DST: variants seen among roughly 807,000 people sequenced by gnomAD.
DST encodes the protein dystonin.
Under a neutral mutation model 875.2 loss-of-function variants are expected in DST, and 253 were observed. The observed-to-expected ratio is 0.29, with a 90% CI of 0.26 to 0.32. The LOEUF (loss-of-function observed/expected upper bound fraction) is 0.32. Ranked by LOEUF, DST falls within the 10% of genes least tolerant of loss-of-function variation. DST has a pLI of 1.00. For synonymous variants in DST, 3,124 were observed against 3,197.1 expected (o/e 0.98, Z 0.77); for missense variants, 8,287 against 9,111.6 (o/e 0.91, Z 3.68).
At chr6:56,561,648 T>C (rs1362925686) in intron 56 of DST, 99 bp from the exon 57 acceptor site, 4 of 1,191,920 alleles carry the variant, frequency 3.4e-6, no homozygotes, top group South Asian at 1.6e-5. Context: ...TTGTCACTTC[T>C]AGCTTGTCAT....
rs199545549 is a variant in DST, at chr6:56,634,520, G to A, written c.3436C>T (p.Pro1146Ser). ...GGAGGAACGGTGAAGCACACAGATG[G>A]GACCATAGCCTCATTCCCAGTAGGA... The part of the protein sequence containing the change: ...ISPTGNEAMV[P>S]SVCFTVPPPN... Residue 1146 changes from proline to serine, a missense_variant, in exon 26 of 104, where the codon CCA (proline) becomes TCA (serine). Around this residue, in one of 10 missense-constraint regions of DST, gnomAD observed 1,160 missense variants for 1,424.3 expected, o/e 0.81. Coordinates refer to ENST00000680361, the MANE Select transcript of DST (RefSeq NM_001374736.1). 3 of 1,614,128 alleles carry A rather than the reference G, an allele frequency of 1.9e-6. No homozygotes were observed. The highest frequency in any genetic ancestry group is 2.5e-6 in the Non-Finnish European group (3 of 1,180,020).
intron 2 of DST, among the ~76,000 whole-genome samples, chr6:56,938,108 C>CTCTCTCTCTATATATATATA (rs1383243392): frequency 6.6e-5 from 8 of 120,754 alleles, no homozygotes; most frequent in African/African-American, 2.8e-4. Context: ...CTCTCTCTCT[C>CTCTCTCTCTATATATATATA]TATATATATA....
At chr6:56,685,589 C>T (rs142369310) in intron 9 of DST, among the ~76,000 whole-genome samples, 4 of 151,974 alleles carry the variant, frequency 2.6e-5, no homozygotes, top group African/African-American at 4.8e-5. Flanking sequence ...CTGGCCAACA[C>T]GGTGAAACCT....
chr6:56,684,071 A>G (rs2099169285), intron 9 of DST, among the ~76,000 whole-genome samples: 1 of 152,196 alleles, frequency 6.6e-6, no homozygotes, highest in South Asian at 2.1e-4. Flanking sequence ...AGCCTCACCC[A>G]TGTTAGTCAG....
chr6:56,797,679 C>T (rs143810557), intron 4 of DST, among the ~76,000 whole-genome samples: 7 of 152,026 alleles, frequency 4.6e-5, no homozygotes, highest in East Asian at 1.9e-4. Flanking sequence ...ATTAGCTGGG[C>T]GTGGTGGCAG....
rs201201114 is a variant in DST at position 56,592,197 on chromosome 6, T to A, written c.12888A>T (p.Gln4296His). ...CGCTTTTTACCTTGGTCTCTTCTAATTGCCTTTGAAGATTTTTGGGGTCCA... is the reference window on the plus strand; with the variant it reads ...CGCTTTTTACCTTGGTCTCTTCTAAATGCCTTTGAAGATTTTTGGGGTCCA... The part of the protein sequence containing the change: ...IAVDPKNLQR[Q>H]LEETKALQGQ... Residue 4296 changes from glutamine (Q) to histidine (H), a missense_variant, in exon 49 of 104, where the codon CAA becomes CAT. By Grantham distance (24) the Gln-to-His change is conservative. Transcript: ENST00000680361. 11 of 1,613,396 alleles carry A rather than the reference T, an allele frequency of 6.8e-6. No individual in the cohort carries two copies. The highest frequency in any genetic ancestry group is 8.5e-6 in the Non-Finnish European group (10 of 1,179,724).
At chr6:56,734,609 ACTCC>A (rs1254177765) in intron 5 of DST, among the ~76,000 whole-genome samples, 1 of 152,014 alleles carries the variant, frequency 6.6e-6, no homozygotes, top group Non-Finnish European at 1.5e-5. Context: ...GGGTCCAATA[ACTCC>A]ACGAAATTAC....
rs964848254 is a variant in DST, at chr6:56,517,677, A to G, written c.18130-57T>C. 8 of 1,550,956 alleles carry G rather than the reference A, an allele frequency of 5.2e-6. No individual in the cohort carries two copies. The African/African-American group carries it at 1.1e-4, about 21-fold the overall frequency. On this transcript the variant is annotated intron_variant, in intron 69 of 103. Transcript: ENST00000680361. ...GTTCCCGTTCCTGATGCCAGAAAAT[A>G]CCTATCTACAGTTCTTTGAAATATC...
At chr6:56,582,753 A>T (rs1012083690) in intron 49 of DST, among the ~76,000 whole-genome samples, 3 of 148,128 alleles carry the variant, frequency 2.0e-5, no homozygotes, top group African/African-American at 7.5e-5. Flanking sequence ...CCCTACCCCC[A>T]CCCCACAACA....
intron 32 of DST, 144 bp downstream of exon 32, chr6:56,629,106 G>A: frequency 2.6e-6 from 2 of 776,426 alleles, no homozygotes; most frequent in Middle Eastern, 3.8e-4. Flanking sequence ...CTCCAAGTAA[G>A]AAAGAAATAT....
rs1472601566 is a variant in DST, at chr6:56,631,356, C to A, written c.3997G>T (p.Asp1333Tyr). Residue 1333 changes from aspartate (D) to tyrosine (Y), a missense_variant, in exon 30 of 104, where the codon GAT (aspartate) becomes TAT (tyrosine). Physicochemically the swap from Asp to Tyr is radical, Grantham distance 160. Coordinates refer to ENST00000680361, the MANE Select transcript of DST (RefSeq NM_001374736.1). ...CACTTATTTGTGATTGTTCCCAAAT[C>A]ATCTTTAAGTCGTTCCAGCTCTTTC... Reference protein sequence around the residue: ...LKKELERLKDDLGTITNKCEE... With the variant: ...LKKELERLKDYLGTITNKCEE... 1 of 1,613,782 alleles carries A rather than the reference C, an allele frequency of 6.2e-7. No individual in the cohort carries two copies. Among genetic ancestry groups the A allele is most frequent in the Non-Finnish European group, 8.5e-7 (1 of 1,179,910 alleles).
chr6:56,944,854 A>T (rs1416871829), intron 2 of DST, among the ~76,000 whole-genome samples: 1 of 152,228 alleles, frequency 6.6e-6, no homozygotes, highest in Non-Finnish European at 1.5e-5. Context: ...AGTTCTGGCC[A>T]GTGAAGGGTA....
At chr6:56,516,179 A>AAGAG (rs2096588479) in intron 71 of DST, among the ~76,000 whole-genome samples, 1 of 136,758 alleles carries the variant, frequency 7.3e-6, no homozygotes, top group African/African-American at 2.5e-5. Context: ...AAGAGAAAGA[A>AAGAG]AGAGAAAGAG....
intron 50 of DST, 131 bp from the exon 51 acceptor site, chr6:56,574,018 C>A: frequency 1.6e-6 from 1 of 612,234 alleles, no homozygotes; most frequent in Non-Finnish European, 2.7e-6. Context: ...ATGATAAATT[C>A]CTAATGCATA....
At chr6:56,733,951 A>G (rs952182837) in intron 5 of DST, among the ~76,000 whole-genome samples, 13 of 152,224 alleles carry the variant, frequency 8.5e-5, no homozygotes, top group Admixed American at 7.2e-4. Flanking sequence ...AACTTTTAAG[A>G]ATTATTTAAA....
chr6:56,877,319 C>T (rs1780027369), intron 3 of DST, among the ~76,000 whole-genome samples: 2 of 152,110 alleles, frequency 1.3e-5, no homozygotes, highest in African/African-American at 4.8e-5. Context: ...TTGTGGGGGC[C>T]GAGGTGGGCA....
At chr6:56,558,544 C>G (rs2097469752) in intron 58 of DST, among the ~76,000 whole-genome samples, 1 of 152,084 alleles carries the variant, frequency 6.6e-6, no homozygotes, top group Non-Finnish European at 1.5e-5. Context: ...AACTAATGAC[C>G]TAGTCTAGCA....
intron 55 of DST, among the ~76,000 whole-genome samples, chr6:56,565,592 G>T (rs913704674): frequency 6.6e-6 from 1 of 152,180 alleles, no homozygotes; most frequent in Non-Finnish European, 1.5e-5. Context: ...TCAGGCATCT[G>T]CTAGATGCCA....
At chr6:56,944,149 A>G (rs985426471) in intron 2 of DST, among the ~76,000 whole-genome samples, 5 of 152,164 alleles carry the variant, frequency 3.3e-5, no homozygotes, top group Non-Finnish European at 7.3e-5. Context: ...TACAATATGA[A>G]AAGTATCTGT....
Sources: allele counts gnomAD v4.1 joint callset (sites outside exome capture counted in the v4.1 genomes callset), GRCh38; gene constraint gnomAD v4.1.1; regional missense constraint gnomAD v4.1.1; transcripts MANE v1.5; gene names NCBI Gene and HGNC (gene_info 2026-07-23, HGNC 2026-07-21).